The following FTO variants were observed in gnomAD, a reference collection of about 807,000 sequenced individuals.
The protein encoded by FTO is FTO alpha-ketoglutarate dependent dioxygenase, also known as alpha-ketoglutarate-dependent dioxygenase FTO.
In FTO, 47 loss-of-function variants were observed where a neutral mutation model predicts 63.9. The observed-to-expected ratio is 0.74, with a 90% confidence interval of 0.58 to 0.94. FTO has a LOEUF of 0.94. Among genes scored for constraint, FTO ranks in the 40% least tolerant of loss-of-function variants. The pLI, the probability that FTO is intolerant of heterozygous loss-of-function variation, is 0.00. For missense variants in FTO, 562 were observed against 618.1 expected, an observed-to-expected ratio of 0.91 and a Z score of 0.96; for synonymous variants, 207 against 224.4, an observed-to-expected ratio of 0.92 and a Z score of 0.69.
chr16:54,071,250 T>C (rs1277692813), intron 8 of FTO: 2 of 152,142 alleles, frequency 1.3e-5, no homozygotes, highest in African/African-American at 2.4e-5. Context: ...GAGAAGAACT[T>C]AGCACAGGCC....
chr16:53,862,922 C>T (rs2151857758), intron 4 of FTO, among the ~76,000 whole-genome samples: 1 of 152,270 alleles, frequency 6.6e-6, no homozygotes, highest in African/African-American at 2.4e-5. Flanking sequence ...CTAAGGTTTT[C>T]CATCACTCAT....
chr16:54,031,490 G>A (rs77194381), intron 8 of FTO, among the ~76,000 whole-genome samples: 1,790 of 152,218 alleles, frequency 0.012, 21 homozygotes, highest in Non-Finnish European at 0.019. Flanking sequence ...AAATAGCACG[G>A]GCGTCAAAAC....
At chr16:54,028,812 A>G (rs1173209428) in intron 8 of FTO, among the ~76,000 whole-genome samples, 1 of 152,160 alleles carries the variant, frequency 6.6e-6, no homozygotes, top group Non-Finnish European at 1.5e-5. Context: ...AGATGGGATC[A>G]TTTTATAGAG....
intron 2 of FTO, among the ~76,000 whole-genome samples, chr16:53,824,281 A>G (rs2078946500): frequency 6.6e-6 from 1 of 152,136 alleles, no homozygotes; most frequent in South Asian, 2.1e-4. Context: ...CTTGTGCTCT[A>G]GTAAAACAAG....
chr16:53,885,728 T>C (rs1567399325), intron 6 of FTO, among the ~76,000 whole-genome samples: 2 of 152,200 alleles, frequency 1.3e-5, no homozygotes, highest in Non-Finnish European at 2.9e-5. Context: ...GTACCCACTT[T>C]TGAACTGACT....
chr16:53,887,458 G>A lies in FTO; in HGVS notation c.1120-1374G>A, dbSNP rs548596024. On this transcript the variant is annotated intron_variant, in intron 6 of 8. Coordinates refer to ENST00000471389, the MANE Select transcript of FTO (RefSeq NM_001080432.3). ...GACCACATGGGCTGTTTGGGGGAAG[G>A]GATGGGTGGGATTTGTCTGGAATAG... Among the ~76,000 whole-genome samples the A allele has an allele frequency of 5.3e-5, 8 of 152,248 alleles. No homozygotes were observed. The South Asian group carries it at 1.2e-3, about 24-fold the overall frequency.
chr16:53,862,541 T>C (rs2080205456), intron 4 of FTO, among the ~76,000 whole-genome samples: 1 of 150,776 alleles, frequency 6.6e-6, no homozygotes, highest in South Asian at 2.1e-4. Flanking sequence ...TATCTTACTT[T>C]TTTTTTTTTT....
chr16:54,110,050 C>T lies in FTO; in HGVS notation c.1365-1712C>T, dbSNP rs191590078. On this transcript the variant is annotated intron_variant, in intron 8 of 8. Transcript: ENST00000471389. The stretch of plus-strand genomic sequence containing the variant: ...TTTGCAGAGTTCCTTTGTAATTAGT[C>T]GCAGCTTTCCTTGAATATTAATTTT... 3.1e-4 allele frequency among the ~76,000 whole-genome samples: 47 copies of T among 152,246 alleles called. No homozygotes were observed. In the East Asian group the frequency reaches 6.9e-3, roughly 23 times the overall value.
intron 7 of FTO, among the ~76,000 whole-genome samples, chr16:53,891,430 T>C (rs1217003651): frequency 6.6e-6 from 1 of 151,538 alleles, no homozygotes; most frequent in East Asian, 1.9e-4. Flanking sequence ...GGAAGCCAAG[T>C]TGGGAGGATT....
chr16:53,833,598 C>T (rs1344556659), intron 3 of FTO, among the ~76,000 whole-genome samples: 2 of 152,014 alleles, frequency 1.3e-5, no homozygotes, highest in East Asian at 1.9e-4. Context: ...TGTACTTTTG[C>T]GTAGGATTGC....
intron 1 of FTO, among the ~76,000 whole-genome samples, chr16:53,704,991 G>T (rs1415447709): frequency 6.7e-6 from 1 of 149,688 alleles, no homozygotes; most frequent in Non-Finnish European, 1.5e-5. Context: ...CTGTTGATTT[G>T]TCTACGTATA....
chr16:53,900,618 T>G (rs1023973266), intron 7 of FTO, among the ~76,000 whole-genome samples: 1 of 141,584 alleles, frequency 7.1e-6, no homozygotes, highest in African/African-American at 2.6e-5. Flanking sequence ...CTTTTTTTTT[T>G]TTTTTTTTTT....
chr16:53,893,130 T>A (rs1018556184), intron 7 of FTO, among the ~76,000 whole-genome samples: 1 of 152,176 alleles, frequency 6.6e-6, no homozygotes, highest in Non-Finnish European at 1.5e-5. Flanking sequence ...ATATCACATT[T>A]TCCCTGAATA....
At chr16:53,801,780 AAC>A (rs2078235121) in intron 1 of FTO, among the ~76,000 whole-genome samples, 1 of 151,062 alleles carries the variant, frequency 6.6e-6, no homozygotes, top group African/African-American at 2.4e-5. Context: ...CTTTTTTTGA[AAC>A]AGAGTCTGAC....
At chr16:53,708,027 A>G (rs1173971469) in intron 1 of FTO, among the ~76,000 whole-genome samples, 1 of 152,220 alleles carries the variant, frequency 6.6e-6, no homozygotes, top group African/African-American at 2.4e-5. Context: ...TGTAGCATAT[A>G]TTGGTACTTT....
At chr16:53,797,093 T>C (rs1190340887) in intron 1 of FTO, among the ~76,000 whole-genome samples, 1 of 152,196 alleles carries the variant, frequency 6.6e-6, no homozygotes, top group African/African-American at 2.4e-5. Flanking sequence ...AAAAATAGAT[T>C]CTGGTTTTTT....
At chr16:53,760,616 G>T (rs115862051) in intron 1 of FTO, among the ~76,000 whole-genome samples, 11,186 of 136,770 alleles carry the variant, frequency 0.082, 536 homozygotes, top group Middle Eastern at 0.15. Context: ...TCATCTGCTT[G>T]CTTTCTTTTT....
chr16:53,890,016 C>T (rs1279685875), intron 7 of FTO, among the ~76,000 whole-genome samples: 1 of 152,084 alleles, frequency 6.6e-6, no homozygotes, highest in African/African-American at 2.4e-5. Flanking sequence ...CGAGGTCACC[C>T]AGCTAATAGG....
At chr16:54,007,417 C>T (rs1314347873) in intron 8 of FTO, among the ~76,000 whole-genome samples, 1 of 152,164 alleles carries the variant, frequency 6.6e-6, no homozygotes, top group Non-Finnish European at 1.5e-5. Flanking sequence ...CTGCCACTTA[C>T]TAGATCTGAG....
Sources: gnomAD v4.1 joint callset for allele counts (sites outside exome capture counted in the v4.1 genomes callset) on GRCh38, gnomAD v4.1.1 for gene constraint, MANE v1.5 for transcripts, NCBI Gene and HGNC (gene_info 2026-07-23, HGNC 2026-07-21) for gene names.